The following FRMD3 variants were observed in gnomAD, a reference collection of about 807,000 sequenced individuals.
FRMD3 encodes FERM domain containing 3.
In FRMD3, 33 loss-of-function variants were observed where a neutral mutation model predicts 70.2. That is an observed-to-expected ratio of 0.47 (90% confidence interval 0.36 to 0.63). The LOEUF is 0.63. Ranked by LOEUF, FRMD3 falls within the 20% of genes least tolerant of loss-of-function variation. FRMD3 has a pLI of 0.00. For synonymous variants in FRMD3, 279 were observed against 255.9 expected, an observed-to-expected ratio of 1.09 and a Z score of -0.86; for missense variants, 632 against 711.4, an observed-to-expected ratio of 0.89 and a Z score of 1.27.
In FRMD3 at chr9:83,357,244, TACATATATATATA is replaced by T. The variant is rs1564032549; in HGVS notation, c.296-7500_296-7488del. Among the ~76,000 whole-genome samples, 5 of 2,588 alleles carry T rather than the reference TACATATATATATA, an allele frequency of 1.9e-3. 1 individual carries two copies. Among genetic ancestry groups the T allele is most frequent in the African/African-American group, 6.8e-3 (5 of 734 alleles). 1.7% of individuals were successfully genotyped at this position (2,588 alleles called of 152,430 possible). A position where few individuals can be genotyped will look rare whatever the true frequency, so the allele number is the denominator to read the frequency against. On this transcript the variant is annotated intron_variant, in intron 3 of 13. Coordinates refer to ENST00000304195, the MANE Select transcript of FRMD3 (RefSeq NM_174938.6). ...ATATATTTTATATATATATAATACA[TACATATATATATA>T]TATATATATATATATATATATATAT...
chr9:83,426,222 G>T (rs1826806699), intron 1 of FRMD3, among the ~76,000 whole-genome samples: 1 of 152,226 alleles, frequency 6.6e-6, no homozygotes, highest in South Asian at 2.1e-4. Context: ...TCAGGCCAGA[G>T]GGCACCACCT....
intron 6 of FRMD3, among the ~76,000 whole-genome samples, chr9:83,318,464 T>C (rs10115905): frequency 0.13 from 18,924 of 151,312 alleles, 1,443 homozygotes; most frequent in East Asian, 0.23. Flanking sequence ...TTCCATGCTA[T>C]ATATATTATA....
At chr9:83,429,905 C>G (rs11140085) in intron 1 of FRMD3, among the ~76,000 whole-genome samples, 17,881 of 152,104 alleles carry the variant, frequency 0.12, 1,253 homozygotes, top group African/African-American at 0.18. Context: ...TAACCCTTCA[C>G]GCATAAGTCA....
At chr9:83,312,612 G>A (rs938384403) in intron 7 of FRMD3, among the ~76,000 whole-genome samples, 7 of 152,290 alleles carry the variant, frequency 4.6e-5, no homozygotes, top group East Asian at 1.9e-4. Context: ...GGAAAGAGCC[G>A]CTGGTAAATA....
the FRMD3 span, among the ~76,000 whole-genome samples, chr9:83,576,556 A>G: frequency 1.2e-4 from 18 of 152,116 alleles, no homozygotes; most frequent in Admixed American, 6.5e-4. Flanking sequence ...TAAGCCTACT[A>G]CCCACGAGTT....
intron 3 of FRMD3, among the ~76,000 whole-genome samples, chr9:83,369,324 C>T (rs1824893542): frequency 6.6e-6 from 1 of 152,120 alleles, no homozygotes; most frequent in African/African-American, 2.4e-5. Flanking sequence ...ACCTGTAATC[C>T]CAGTTCTTTG....
chr9:83,516,305 A>C (rs1587508022), intron 1 of FRMD3, among the ~76,000 whole-genome samples: 1 of 152,260 alleles, frequency 6.6e-6, no homozygotes, highest in East Asian at 1.9e-4. Context: ...AAAAAAAAAA[A>C]AGCAGGGGTT....
chr9:83,446,646 CAAAAAAAAAAAAAA>C, intron 1 of FRMD3, among the ~76,000 whole-genome samples: 1 of 83,334 alleles, frequency 1.2e-5, no homozygotes, highest in African/African-American at 4.7e-5. Context: ...GACTCGGTCT[CAAAAAAAAAAAAAA>C]AAAAAAAGGA....
At chr9:83,265,913 T>C (rs1286239756) in intron 13 of FRMD3, among the ~76,000 whole-genome samples, 1 of 152,216 alleles carries the variant, frequency 6.6e-6, no homozygotes, top group East Asian at 1.9e-4. Flanking sequence ...TACATATGCA[T>C]TGCAGTACCA....
At chr9:83,491,672 A>G (rs922727791) in intron 1 of FRMD3, among the ~76,000 whole-genome samples, 3 of 152,208 alleles carry the variant, frequency 2.0e-5, no homozygotes, top group African/African-American at 7.2e-5. Context: ...CAGGGCCAGC[A>G]CGATGGAAAA....
intron 5 of FRMD3, among the ~76,000 whole-genome samples, chr9:83,337,633 C>A (rs924745264): frequency 6.6e-6 from 1 of 152,110 alleles, no homozygotes; most frequent in African/African-American, 2.4e-5. Flanking sequence ...ACCTGATGAC[C>A]AATATGACTT....
chr9:83,572,760 G>A, the FRMD3 span, among the ~76,000 whole-genome samples: 2 of 152,312 alleles, frequency 1.3e-5, no homozygotes, highest in South Asian at 4.1e-4. Context: ...ATTTGTGCAG[G>A]ATGTGGTTTC....
At chr9:83,498,924 A>T (rs1829003281) in intron 1 of FRMD3, among the ~76,000 whole-genome samples, 1 of 152,152 alleles carries the variant, frequency 6.6e-6, no homozygotes, top group African/African-American at 2.4e-5. Flanking sequence ...TTACTGTAAG[A>T]TCTACCATAT....
chr9:83,293,875 T>G (rs1255277983), intron 12 of FRMD3, among the ~76,000 whole-genome samples: 3 of 152,152 alleles, frequency 2.0e-5, no homozygotes, highest in Non-Finnish European at 2.9e-5. Context: ...CCCTGATAAG[T>G]ATAAGACTCA....
intron 5 of FRMD3, among the ~76,000 whole-genome samples, chr9:83,341,139 T>G (rs1823741023): frequency 6.6e-6 from 1 of 152,204 alleles, no homozygotes; most frequent in Non-Finnish European, 1.5e-5. Flanking sequence ...TGACCTGCAG[T>G]GCTGCCGAAG....
rs150336598 is a variant in FRMD3, at chr9:83,354,443, C to T, written c.296-4686G>A. On this transcript the variant is annotated intron_variant, in intron 3 of 13. Coordinates refer to ENST00000304195, the MANE Select transcript of FRMD3 (RefSeq NM_174938.6). ...GCATGTTCTCACTTAGAAGTGGGAG[C>T]GAAACATTGGGTACTCATGGACATA... Among the ~76,000 whole-genome samples the T allele has an allele frequency of 9.5e-4, 145 of 152,122 alleles. 1 individual carries two copies. The East Asian group carries it at 0.023, about 24-fold the overall frequency.
At chr9:83,500,694 T>C (rs1156939164) in intron 1 of FRMD3, among the ~76,000 whole-genome samples, 1 of 152,194 alleles carries the variant, frequency 6.6e-6, no homozygotes, top group East Asian at 1.9e-4. Flanking sequence ...ATCTGCTGAA[T>C]GACAGATTCA....
At chr9:83,572,229 A>G in the FRMD3 span, among the ~76,000 whole-genome samples, 1 of 152,046 alleles carries the variant, frequency 6.6e-6, no homozygotes, top group Admixed American at 6.6e-5. Context: ...TAGTCTAATG[A>G]GAAGAGTCAA....
chr9:83,520,048 C>T (rs1170446997), intron 1 of FRMD3, among the ~76,000 whole-genome samples: 4 of 152,022 alleles, frequency 2.6e-5, no homozygotes, highest in South Asian at 2.1e-4. Flanking sequence ...ATGTAGATGA[C>T]GAGTTGATGG....
Sources: allele counts gnomAD v4.1 joint callset (sites outside exome capture counted in the v4.1 genomes callset), GRCh38; gene constraint gnomAD v4.1.1; transcripts MANE v1.5; gene names NCBI Gene and HGNC (gene_info 2026-07-23, HGNC 2026-07-21).